The following CHTF18 variants were observed in gnomAD, a reference collection of about 807,000 sequenced individuals.
CHTF18 encodes the protein chromosome transmission fidelity factor 18, also known as chromosome transmission fidelity protein 18 homolog.
Under a neutral mutation model 113.4 loss-of-function variants are expected in CHTF18, and 151 were observed. The observed-to-expected ratio is 1.33, with a 90% CI of 1.17 to 1.52. The LOEUF (loss-of-function observed/expected upper bound fraction) is 1.52. Ranked by LOEUF, CHTF18 falls within the 40% of genes most tolerant of loss-of-function variation. The pLI, the probability that CHTF18 is intolerant of heterozygous loss-of-function variation, is 0.00. For missense variants in CHTF18, 1,982 were observed against 1,381.6 expected (o/e 1.43, Z -6.89); for synonymous variants, 916 against 598.8 (o/e 1.53, Z -7.74).
intron 12 of CHTF18, 45 bp from the exon 13 acceptor site, chr16:792,921 G>C (rs577688): frequency 0.037 from 57,646 of 1,542,056 alleles, 1,288 homozygotes; most frequent in Non-Finnish European, 0.045. Flanking sequence ...ACCCCTGAAA[G>C]GATGGGGCAT....
At position 793,109 on chromosome 16, in the gene CHTF18, G is replaced by T. The variant is rs530404034; in HGVS notation, c.1672-35G>T. 3.2e-6 allele frequency: 5 copies of T among 1,566,388 alleles called. No homozygotes were observed. In the Admixed American group the frequency reaches 7.4e-5, roughly 23 times the overall value. Reference sequence around the variant, plus strand: ...CGGGTGGGGTGGGGTGGGGTCAGGAGTTGGCCGCTTCTCATGCCCCCGCCC... The same window carrying T: ...CGGGTGGGGTGGGGTGGGGTCAGGATTTGGCCGCTTCTCATGCCCCCGCCC... On this transcript the variant is annotated intron_variant, in intron 13 of 21. Transcript: ENST00000262315.
intron 7 of CHTF18, chr16:790,875 G>C: frequency 3.5e-6 from 5 of 1,431,956 alleles, no homozygotes; most frequent in South Asian, 1.5e-5. Context: ...TAGGGGTCCA[G>C]GGTGTCACCT....
chr16:791,747 G>A, intron 8 of CHTF18, 104 bp from the exon 9 acceptor site: 2 of 1,475,712 alleles, frequency 1.4e-6, no homozygotes, highest in East Asian at 2.5e-5. Context: ...GTGGGGTGGA[G>A]GGAGCGCCCA....
At position 791,717 on chromosome 16, in the gene CHTF18, G is replaced by A. The variant is rs76663626; in HGVS notation, c.1105-134G>A. Reference sequence around the variant, plus strand: ...TTGGTGTGTGAAAGTGCTCAATTTTGTTCTTATTTGATGGCTGGAGTGGGG... The same window carrying A: ...TTGGTGTGTGAAAGTGCTCAATTTTATTCTTATTTGATGGCTGGAGTGGGG... On this transcript the variant is annotated intron_variant, in intron 8 of 21. Coordinates refer to ENST00000262315, the MANE Select transcript of CHTF18 (RefSeq NM_022092.3). 2,124 of 1,442,792 alleles carry A rather than the reference G, an allele frequency of 1.5e-3. 31 individuals are homozygous for A. The African/African-American group carries it at 0.028, about 19-fold the overall frequency. The allele number at this position is 1,442,792 out of a possible 1,614,324, so 89.4% of individuals were successfully genotyped here.
chr16:797,385 G>T (rs1383982981), intron 20 of CHTF18, among the ~76,000 whole-genome samples: 1 of 152,070 alleles, frequency 6.6e-6, no homozygotes, highest in East Asian at 1.9e-4. Context: ...TGAGGGTGGG[G>T]CTGGCTCAGT....
intron 8 of CHTF18, 44 bp downstream of exon 8, chr16:791,414 TGCACTCGGC>T (rs2042192444): frequency 1.3e-6 from 2 of 1,540,168 alleles, no homozygotes; most frequent in Non-Finnish European, 8.7e-7. Context: ...CCTGAGGCTT[TGCACTCGGC>T]GCCGGCACCC....
intron 8 of CHTF18, 61 bp from the exon 9 acceptor site, chr16:791,790 C>A: frequency 6.5e-7 from 1 of 1,533,270 alleles, no homozygotes; most frequent in Non-Finnish European, 8.8e-7. Flanking sequence ...TCCCTGGCTG[C>A]TAGGCCGGGA....
In CHTF18 at chr16:795,063, G is replaced by A; in HGVS notation, c.1951-69G>A. 3.1e-6 allele frequency: 4 copies of A among 1,270,288 alleles called. No homozygotes were observed. In the Admixed American group the frequency reaches 8.4e-5, roughly 27 times the overall value. The allele number at this position is 1,270,288 out of a possible 1,614,324, so 78.7% of individuals were successfully genotyped here. A position where few individuals can be genotyped will look rare whatever the true frequency, so the allele number is the denominator to read the frequency against. ...AGGAGTGGAGGGTCTGTGGCGGGAG[G>A]TGGAGGGTCCGTGGTGGTGCACCTT... On this transcript the variant is annotated intron_variant, in intron 15 of 21. Transcript: ENST00000262315.
chr16:789,855 T>C (rs937609866), intron 4 of CHTF18, 140 bp downstream of exon 4: 2 of 1,325,476 alleles, frequency 1.5e-6, no homozygotes, highest in Admixed American at 2.2e-5. Context: ...GGCTGCGTCA[T>C]GGGGCGTAGA....
Position 790,206 on chromosome 16 carries a change from C to T in CHTF18, c.636C>T (p.Gly212=), listed in dbSNP as rs767596492. ...CTCTCCTCCACGTCCCATGGCGAGG[C>T]GGTGGCCAGCTGGACCTGCTGGGTG... is the stretch of plus-strand genomic sequence containing the variant. The part of the protein sequence containing the change: ...QGSLLHVPWR[G]GGQLDLLGVS... Residue 212 remains glycine (G), a synonymous_variant, in exon 5 of 22, where the codon GGC becomes GGT. Coordinates refer to ENST00000262315, the MANE Select transcript of CHTF18 (RefSeq NM_022092.3). 38 of 1,604,198 alleles carry T rather than the reference C, an allele frequency of 2.4e-5. No homozygotes were observed. Among genetic ancestry groups the T allele is most frequent in the East Asian group, 2.2e-5 (1 of 44,448 alleles).
rs367807809 is a variant in CHTF18, at chr16:792,611, C to T, written c.1478+21C>T. On this transcript the variant is annotated intron_variant, in intron 11 of 21. Transcript: ENST00000262315. ...GACCAGTGAGTGCATGGGCGGGCGC[C>T]ACAGTCAGGAGAGGCTCTGGTGCCT... The T allele has an allele frequency of 6.3e-6, 10 of 1,592,024 alleles. No individual in the cohort carries two copies. In the African/African-American group the frequency reaches 9.4e-5, roughly 15 times the overall value.
At position 792,757 on chromosome 16, in the gene CHTF18, C is replaced by T; in HGVS notation, c.1518C>T (p.Phe506=). The change falls in exon 12 of 22, where the codon TTC becomes TTT. Residue 506 remains phenylalanine, a synonymous_variant. Coordinates refer to ENST00000262315, the MANE Select transcript of CHTF18 (RefSeq NM_022092.3). ...PSLRQLKQQA[F]LLHFPPTLPS... ...TGCGGCAGCTGAAGCAGCAGGCCTT[C>T]CTGCTCCACTTCCCGCCGACTCTGC... 6.4e-7 allele frequency: 1 copy of T among 1,551,470 alleles called. No individual in the cohort carries two copies. The highest frequency in any genetic ancestry group is 1.7e-4 in the Middle Eastern group (1 of 6,004).
At chr16:793,378 G>A (rs920550416) in intron 14 of CHTF18, 104 bp downstream of exon 14, 1 of 1,430,058 alleles carries the variant, frequency 7.0e-7, no homozygotes, top group Non-Finnish European at 9.4e-7. Context: ...GGGACTCAGT[G>A]TCCTGAGCCC....
chr16:795,417 G>C (rs1488427664), intron 16 of CHTF18, 61 bp downstream of exon 16: 3 of 1,247,496 alleles, frequency 2.4e-6, no homozygotes, highest in South Asian at 1.4e-5. Context: ...TGTGCTGCCC[G>C]TGTGGCTGCC....
At chr16:793,362 G>C (rs908105543) in intron 14 of CHTF18, 88 bp downstream of exon 14, 3 of 1,490,498 alleles carry the variant, frequency 2.0e-6, no homozygotes, top group Admixed American at 2.1e-5. Flanking sequence ...CACTACCTTC[G>C]AGGCGGGGAC....
At chr16:792,153 G>A in intron 9 of CHTF18, 71 bp from the exon 10 acceptor site, 1 of 1,529,424 alleles carries the variant, frequency 6.5e-7, no homozygotes, top group South Asian at 1.2e-5. Flanking sequence ...AAATGCGGCA[G>A]CCCCGGCCTT....
chr16:793,769 C>T (rs1457665976), intron 14 of CHTF18: 3 of 672,030 alleles, frequency 4.5e-6, no homozygotes, highest in Admixed American at 2.1e-5. Flanking sequence ...ATGTGCTGCT[C>T]CTGGCCTGGA....
chr16:788,931 G>A lies in CHTF18; in HGVS notation c.92G>A (p.Gly31Glu), dbSNP rs553152583. The change falls in exon 2 of 22, where the codon GGG becomes GAG. Residue 31 changes from glycine to glutamate, a missense_variant and splice_region_variant. Coordinates refer to ENST00000262315, the MANE Select transcript of CHTF18 (RefSeq NM_022092.3). Reference sequence around the variant, plus strand: ...CGCTGACAATCTCCTCTCCCAGCAGGGGCGTCGACTCCGTCGCCCTCCGGG... The same window carrying A: ...CGCTGACAATCTCCTCTCCCAGCAGAGGCGTCGACTCCGTCGCCCTCCGGG... ...AELEVLAELE[G>E]ASTPSPSGVP... 6.5e-7 allele frequency: 1 copy of A among 1,546,374 alleles called. No individual in the cohort carries two copies. The highest frequency in any genetic ancestry group is 8.7e-7 in the Non-Finnish European group (1 of 1,155,674).
chr16:797,434 C>T (rs1443919829), intron 20 of CHTF18, among the ~76,000 whole-genome samples: 1 of 152,142 alleles, frequency 6.6e-6, no homozygotes, highest in Non-Finnish European at 1.5e-5. Flanking sequence ...TCCTTACCCT[C>T]AGCATGACCA....
Sources: allele counts gnomAD v4.1 joint callset (sites outside exome capture counted in the v4.1 genomes callset), GRCh38; gene constraint gnomAD v4.1.1; transcripts MANE v1.5; gene names NCBI Gene and HGNC (gene_info 2026-07-23, HGNC 2026-07-21).